Variants in KIRREL3 observed in about 807,000 individuals in gnomAD.
KIRREL3 encodes the protein kirre like nephrin family adhesion molecule 3, also known as kin of IRRE-like protein 3.
KIRREL3 carries 36 observed loss-of-function variants against 89.7 expected under a neutral mutation model. The observed-to-expected ratio is 0.40, with a 90% CI of 0.31 to 0.53. The LOEUF is 0.53. Among genes scored for constraint, KIRREL3 ranks in the 20% least tolerant of loss-of-function variants. KIRREL3 has a pLI of 0.49. For missense variants in KIRREL3, 864 were observed against 1,056.6 expected (o/e 0.82, Z 2.53); for synonymous variants, 445 against 441.4 (o/e 1.01, Z -0.10).
At chr11:126,921,751 A>T (rs746211629) in intron 1 of KIRREL3, among the ~76,000 whole-genome samples, 2 of 32,820 alleles carry the variant, frequency 6.1e-5, no homozygotes, top group African/African-American at 2.8e-4. Flanking sequence ...TCTGTCTTCT[A>T]TCTATCTATC....
chr11:126,995,553 T>C lies in KIRREL3; in HGVS notation c.55+4902A>G. On this transcript the variant is annotated intron_variant, in intron 1 of 16. Coordinates refer to ENST00000525144, the MANE Select transcript of KIRREL3 (RefSeq NM_032531.4). The surrounding 1 kb of genome is among the most constrained non-coding windows in gnomAD (Gnocchi z 6.5). The stretch of plus-strand genomic sequence containing the variant: ...TCTAGCCCCCTTAGCATCCCCCATC[T>C]ATATCAAGACCATAAAACCAGTGCT... The C allele has an allele frequency of 2.9e-6, 1 of 346,756 alleles. No individual in the cohort carries two copies. The highest frequency in any genetic ancestry group is 2.2e-5 in the South Asian group (1 of 45,086). 21.5% of individuals were successfully genotyped at this position (346,756 alleles called of 1,614,324 possible). A position where few individuals can be genotyped will look rare whatever the true frequency, so the allele number is the denominator to read the frequency against.
chr11:126,853,894 T>G (rs1333096852), intron 1 of KIRREL3, among the ~76,000 whole-genome samples: 1 of 152,142 alleles, frequency 6.6e-6, no homozygotes, highest in Non-Finnish European at 1.5e-5. Flanking sequence ...GTTAATGATA[T>G]TAATAGTGGG....
rs1356696369 is a variant in KIRREL3 at position 126,432,493 on chromosome 11, G to GA, written c.1589-968dup. On this transcript the variant is annotated intron_variant, in intron 13 of 16. Transcript: ENST00000525144. The surrounding 1 kb of genome is among the most constrained non-coding windows in gnomAD (Gnocchi z 6.2). ...CTTGGGGCTCTCACTGAGGTCCGGAGAAGTCAAGTGATTTGGCCAAGGACA... is the reference window on the plus strand; with the variant it reads ...CTTGGGGCTCTCACTGAGGTCCGGAGAAAGTCAAGTGATTTGGCCAAGGACA... Among the ~76,000 whole-genome samples, 2 of 152,156 alleles carry GA rather than the reference G, an allele frequency of 1.3e-5. No homozygotes were observed. The highest frequency in any genetic ancestry group is 2.9e-5 in the Non-Finnish European group (2 of 68,028).
In KIRREL3 at chr11:126,755,175, T is replaced by A. The variant is rs79259523; in HGVS notation, c.56-192263A>T. 0.02 allele frequency among the ~76,000 whole-genome samples: 2,993 copies of A among 152,264 alleles called. 37 individuals carry two copies. The highest frequency in any genetic ancestry group is 0.058 in the Middle Eastern group (17 of 294). On this transcript the variant is annotated intron_variant, in intron 1 of 16. Transcript: ENST00000525144. This position sits in a 1 kb window ranked among gnomAD's most constrained non-coding sequence, Gnocchi z 4.3. ...AGAAAATTAGTAGTAAGTCAATAAG[T>A]CTGTGGCCCAAAGGTAGGGCATTAA...
chr11:126,559,245 G>A (rs1395171735), intron 2 of KIRREL3, among the ~76,000 whole-genome samples: 1 of 152,226 alleles, frequency 6.6e-6, no homozygotes, highest in Admixed American at 6.5e-5. Context: ...TTCCACATCT[G>A]TGTGCTCTAT....
At chr11:126,974,746 C>A (rs1369153132) in intron 1 of KIRREL3, among the ~76,000 whole-genome samples, 1 of 152,144 alleles carries the variant, frequency 6.6e-6, no homozygotes, top group Admixed American at 6.5e-5. Context: ...GGCTCTATCA[C>A]CCAAGCTGGA....
At position 126,428,114 on chromosome 11, in the gene KIRREL3, G is replaced by C. The variant is rs1315645436; in HGVS notation, c.1806+1065C>G. ...GCAACATAAACCGCTAATATTTCTTGAGCACTTATTGTGTTCCATGGGCTT... is the reference window on the plus strand; with the variant it reads ...GCAACATAAACCGCTAATATTTCTTCAGCACTTATTGTGTTCCATGGGCTT... On this transcript the variant is annotated intron_variant, in intron 15 of 16. Transcript: ENST00000525144. The surrounding 1 kb of genome is among the most constrained non-coding windows in gnomAD (Gnocchi z 6.4). Among the ~76,000 whole-genome samples, 1 of 152,180 alleles carries C rather than the reference G, an allele frequency of 6.6e-6. No individual in the cohort carries two copies. The highest frequency in any genetic ancestry group is 2.4e-5 in the African/African-American group (1 of 41,440).
At chr11:126,949,889 A>T (rs1450893544) in intron 1 of KIRREL3, among the ~76,000 whole-genome samples, 1 of 152,226 alleles carries the variant, frequency 6.6e-6, no homozygotes, top group Non-Finnish European at 1.5e-5. Context: ...CCAAGCTCAC[A>T]TCGAGTTCTC....
intron 1 of KIRREL3, among the ~76,000 whole-genome samples, chr11:126,625,141 T>G (rs543365565): frequency 2.0e-5 from 3 of 152,206 alleles, no homozygotes; most frequent in Non-Finnish European, 4.4e-5. Context: ...GTCTACCCTG[T>G]GCCCTACTTG....
chr11:126,667,742 T>C (rs1945727238), intron 1 of KIRREL3, among the ~76,000 whole-genome samples: 1 of 152,102 alleles, frequency 6.6e-6, no homozygotes, highest in Admixed American at 6.5e-5. Flanking sequence ...TTTTGAGAAG[T>C]GTGTGTGTAG....
At chr11:126,893,989 A>T (rs547480578) in intron 1 of KIRREL3, among the ~76,000 whole-genome samples, 1 of 152,262 alleles carries the variant, frequency 6.6e-6, no homozygotes, top group East Asian at 1.9e-4. Context: ...AGATAATGAG[A>T]TGGCGGGTAT....
In KIRREL3 at chr11:126,516,534, C is replaced by T. The variant is rs1958414372; in HGVS notation, c.433+4781G>A. Among the ~76,000 whole-genome samples the T allele has an allele frequency of 1.3e-5, 2 of 152,200 alleles. No homozygotes were observed. Among genetic ancestry groups the T allele is most frequent in the African/African-American group, 2.4e-5 (1 of 41,458 alleles). The stretch of plus-strand genomic sequence containing the variant: ...GCTCCACCAGGGCAAGGATGGTTTT[C>T]TCTTTCGTTTCCTGATGAATCCCAC... On this transcript the variant is annotated intron_variant, in intron 4 of 16. Coordinates refer to ENST00000525144, the MANE Select transcript of KIRREL3 (RefSeq NM_032531.4). The surrounding 1 kb of genome is among the most constrained non-coding windows in gnomAD (Gnocchi z 4.9).
In KIRREL3 at chr11:126,594,672, C is replaced by T. The variant is rs1311672935; in HGVS notation, c.56-31760G>A. Among the ~76,000 whole-genome samples the T allele has an allele frequency of 1.3e-5, 2 of 151,556 alleles. No homozygotes were observed. Among genetic ancestry groups the T allele is most frequent in the African/African-American group, 4.9e-5 (2 of 40,868 alleles). On this transcript the variant is annotated intron_variant, in intron 1 of 16. Transcript: ENST00000525144. This position sits in a 1 kb window ranked among gnomAD's most constrained non-coding sequence, Gnocchi z 5.0. The stretch of plus-strand genomic sequence containing the variant: ...GCCGCAGCAGAAACTATCTCTAAGG[C>T]CAGCTCTTAAATTCTCTAACCCATG...
chr11:126,897,164 A>G lies in KIRREL3; in HGVS notation c.55+103291T>C, dbSNP rs1194500952. On this transcript the variant is annotated intron_variant, in intron 1 of 16. Transcript: ENST00000525144. The surrounding 1 kb of genome is among the most constrained non-coding windows in gnomAD (Gnocchi z 4.2). ...AACCCTTCTGGTCACCCTGGGTCAG[A>G]GGAGCACAGGTGGTCCCATGGGGAA... 6.6e-6 allele frequency among the ~76,000 whole-genome samples: 1 copy of G among 152,156 alleles called. No individual in the cohort carries two copies. Among genetic ancestry groups the G allele is most frequent in the Non-Finnish European group, 1.5e-5 (1 of 68,026 alleles).
intron 3 of KIRREL3, among the ~76,000 whole-genome samples, chr11:126,524,039 T>G (rs1026937126): frequency 2.6e-5 from 4 of 152,220 alleles, no homozygotes; most frequent in African/African-American, 9.6e-5. Flanking sequence ...TTACTCTCTC[T>G]TGCTACTCCC....
Position 126,428,648 on chromosome 11 carries a change from T to C in KIRREL3, c.1806+531A>G, listed in dbSNP as rs1955023111. On this transcript the variant is annotated intron_variant, in intron 15 of 16. Transcript: ENST00000525144. This position sits in a 1 kb window ranked among gnomAD's most constrained non-coding sequence, Gnocchi z 6.4. ...GCTCTCTGAAGGGTAGACTGCATTTTTGTTGTTGTTGTTGTTTTGAGATGG... is the reference window on the plus strand; with the variant it reads ...GCTCTCTGAAGGGTAGACTGCATTTCTGTTGTTGTTGTTGTTTTGAGATGG... 6.6e-6 allele frequency among the ~76,000 whole-genome samples: 1 copy of C among 152,062 alleles called. No individual in the cohort carries two copies. The highest frequency in any genetic ancestry group is 1.5e-5 in the Non-Finnish European group (1 of 68,014).
chr11:126,583,232 T>C (rs1478129865), intron 1 of KIRREL3, among the ~76,000 whole-genome samples: 1 of 152,164 alleles, frequency 6.6e-6, no homozygotes, highest in East Asian at 1.9e-4. Flanking sequence ...GAGCCAAGGG[T>C]ATTGTGTGGT....
In KIRREL3 at chr11:126,867,895, A is replaced by G. The variant is rs1451421626; in HGVS notation, c.55+132560T>C. ...CCCACGGATGCCATGCATGTCTTAT[A>G]TATCTGTATCCCCTACAGCACCTAA... On this transcript the variant is annotated intron_variant, in intron 1 of 16. Transcript: ENST00000525144. This position sits in a 1 kb window ranked among gnomAD's most constrained non-coding sequence, Gnocchi z 4.7. Among the ~76,000 whole-genome samples, 3 of 152,144 alleles carry G rather than the reference A, an allele frequency of 2.0e-5. No individual in the cohort carries two copies. The East Asian group carries it at 5.8e-4, about 29-fold the overall frequency.
chr11:126,500,749 A>G (rs1957829515), intron 4 of KIRREL3, among the ~76,000 whole-genome samples: 1 of 151,834 alleles, frequency 6.6e-6, no homozygotes, highest in East Asian at 1.9e-4. Context: ...CAAAAAAAAA[A>G]AAAAAGAAAA....
Sources: gnomAD v4.1 joint callset for allele counts (sites outside exome capture counted in the v4.1 genomes callset) on GRCh38, gnomAD v4.1.1 for gene constraint, Gnocchi (gnomAD v3.1) non-coding constraint, MANE v1.5 for transcripts, NCBI Gene and HGNC (gene_info 2026-07-23, HGNC 2026-07-21) for gene names.